RADIL: variants seen among roughly 807,000 people sequenced by gnomAD.
The protein encoded by RADIL is ras-associating and dilute domain-containing protein.
A neutral mutation model predicts 97.6 loss-of-function variants in RADIL; 99 were observed. That is an observed-to-expected ratio of 1.01 (90% CI 0.86 to 1.20). The LOEUF (loss-of-function observed/expected upper bound fraction) is 1.20. Ranked by LOEUF, RADIL falls within the 50% of genes most tolerant of loss-of-function variation. RADIL has a pLI of 0.00. For missense variants in RADIL, 1,765 were observed against 1,498.9 expected, an observed-to-expected ratio of 1.18 and a Z score of -2.93; for synonymous variants, 803 against 691.8, an observed-to-expected ratio of 1.16 and a Z score of -2.52.
chr7:4,820,682 C>T (rs991366461), intron 6 of RADIL, among the ~76,000 whole-genome samples: 3 of 152,172 alleles, frequency 2.0e-5, no homozygotes, highest in Admixed American at 1.3e-4. Flanking sequence ...AGATCCTGGC[C>T]GGCTCTGCCT....
chr7:4,826,046 A>G (rs1782966918), intron 5 of RADIL, among the ~76,000 whole-genome samples: 2 of 151,562 alleles, frequency 1.3e-5, no homozygotes. Flanking sequence ...CTCTACAGAA[A>G]AAATCAAAAA....
In RADIL at chr7:4,872,296, G is replaced by A. The variant is rs140871909; in HGVS notation, c.535+5309C>T. 2.6e-4 allele frequency among the ~76,000 whole-genome samples: 40 copies of A among 152,340 alleles called. No homozygotes were observed. Among genetic ancestry groups the A allele is most frequent in the Middle Eastern group, 3.4e-3 (1 of 294 alleles). On this transcript the variant is annotated intron_variant, in intron 2 of 14. Transcript: ENST00000399583. This position sits in a 1 kb window ranked among gnomAD's most constrained non-coding sequence, Gnocchi z 5.8. ...TGGGGGCACAGGAGCCAGGGACACT[G>A]CTCATCGCCCTGCAACCACGGACGC... is the stretch of plus-strand genomic sequence containing the variant.
chr7:4,809,228 G>T (rs1030885350), intron 9 of RADIL: 4 of 985,146 alleles, frequency 4.1e-6, no homozygotes, highest in Non-Finnish European at 3.6e-6. Flanking sequence ...CCCATCTCCC[G>T]CAGGGGCGCT....
chr7:4,805,360 T>TC, intron 10 of RADIL: 1 of 520,888 alleles, frequency 1.9e-6, no homozygotes, highest in East Asian at 3.1e-5. Context: ...GCTCCTTGAC[T>TC]CCCCCGCCGA....
In RADIL at chr7:4,803,769, G is replaced by C. The variant is rs1236535850; in HGVS notation, c.2291-15C>G. 7 of 1,548,478 alleles carry C rather than the reference G, an allele frequency of 4.5e-6. No homozygotes were observed. Among genetic ancestry groups the C allele is most frequent in the South Asian group, 3.6e-5 (3 of 84,138 alleles). On this transcript the variant is annotated splice_polypyrimidine_tract_variant and intron_variant, in intron 10 of 14. Coordinates refer to ENST00000399583, the MANE Select transcript of RADIL (RefSeq NM_018059.5). ...CAGAACATCCTCTGCAGGGGAGAGA[G>C]GATGCCCGTAATGGCCACAGGAGAA...
chr7:4,856,035 C>T (rs564901054), intron 2 of RADIL, among the ~76,000 whole-genome samples: 2 of 152,026 alleles, frequency 1.3e-5, no homozygotes, highest in South Asian at 4.2e-4. Context: ...AATCAAACTC[C>T]TGGCCTCAAG....
intron 5 of RADIL, among the ~76,000 whole-genome samples, chr7:4,831,577 CAAAA>C (rs397889423): frequency 5.0e-4 from 39 of 77,858 alleles, no homozygotes; most frequent in African/African-American, 7.9e-4. Flanking sequence ...TGAAGATTCT[CAAAA>C]AAAAAAAAAA....
At chr7:4,809,542 C>G in intron 9 of RADIL, 1 of 985,448 alleles carries the variant, frequency 1.0e-6, no homozygotes, top group Non-Finnish European at 1.2e-6. Context: ...TCGGGAGCCC[C>G]CAGGCCCGCC....
chr7:4,879,608 G>A lies in RADIL; in HGVS notation c.-64-1405C>T, dbSNP rs1427801656. ...ACCGGGGTCAGTACTAAACACCGCA[G>A]CAGCCAACTGTCACTGTCCAGGCTT... On this transcript the variant is annotated intron_variant, in intron 1 of 14. Coordinates refer to ENST00000399583, the MANE Select transcript of RADIL (RefSeq NM_018059.5). The surrounding 1 kb of genome is among the most constrained non-coding windows in gnomAD (Gnocchi z 4.1). 6.6e-6 allele frequency among the ~76,000 whole-genome samples: 1 copy of A among 152,194 alleles called. No individual in the cohort carries two copies. Among genetic ancestry groups the A allele is most frequent in the African/African-American group, 2.4e-5 (1 of 41,440 alleles).
intron 1 of RADIL, chr7:4,882,007 T>C (rs1018460581): frequency 2.6e-5 from 4 of 151,650 alleles, no homozygotes; most frequent in African/African-American, 9.7e-5. Flanking sequence ...GAGGCAGAGT[T>C]AGCAGTATCA....
intron 2 of RADIL, among the ~76,000 whole-genome samples, chr7:4,853,919 C>T (rs1479608376): frequency 2.0e-5 from 3 of 152,134 alleles, no homozygotes; most frequent in African/African-American, 7.2e-5. Context: ...ATGTACCCAG[C>T]TAAGAAAAGA....
chr7:4,878,336 G>C lies in RADIL; in HGVS notation c.-64-133C>G. 2 of 628,026 alleles carry C rather than the reference G, an allele frequency of 3.2e-6. No homozygotes were observed. The highest frequency in any genetic ancestry group is 5.4e-6 in the Non-Finnish European group (2 of 368,606). The allele number at this position is 628,026 out of a possible 1,614,324, so 38.9% of individuals were successfully genotyped here. On this transcript the variant is annotated intron_variant, in intron 1 of 14. Transcript: ENST00000399583. This position sits in a 1 kb window ranked among gnomAD's most constrained non-coding sequence, Gnocchi z 4.1. ...AGGTGGGAGGACGGCTTGAGCCCGGGAGTTCCAGACCAGCCTGGGAAACAT... is the reference window on the plus strand; with the variant it reads ...AGGTGGGAGGACGGCTTGAGCCCGGCAGTTCCAGACCAGCCTGGGAAACAT...
At chr7:4,833,379 C>T (rs1475887555) in intron 4 of RADIL, among the ~76,000 whole-genome samples, 2 of 152,198 alleles carry the variant, frequency 1.3e-5, no homozygotes, top group Non-Finnish European at 1.5e-5. Flanking sequence ...ACAGTGGCCA[C>T]GATGTGGACA....
intron 13 of RADIL, 59 bp downstream of exon 13, chr7:4,800,112 T>C (rs945517311): frequency 9.6e-6 from 15 of 1,555,062 alleles, no homozygotes; most frequent in Non-Finnish European, 1.1e-5. Context: ...CAGGCTTGCA[T>C]GAACAGGCGG....
rs2115147208 is a variant in RADIL at position 4,799,330 on chromosome 7, C to T, written c.*48G>A. 1 of 1,585,252 alleles carries T rather than the reference C, an allele frequency of 6.3e-7. No homozygotes were observed. Among genetic ancestry groups the T allele is most frequent in the Non-Finnish European group, 8.7e-7 (1 of 1,155,516 alleles). On this transcript the variant is annotated 3_prime_UTR_variant, in exon 15 of 15. Transcript: ENST00000399583. ...GAAGGCGGGAGGAAGCCCAGTGTCA[C>T]CAGGTGGGACCGGGTGCCGGGCCTG...
chr7:4,860,974 T>C (rs1047476283), intron 2 of RADIL: 1 of 1,614,228 alleles, frequency 6.2e-7, no homozygotes, highest in Non-Finnish European at 8.5e-7. Flanking sequence ...GCCATTCCCA[T>C]TCTGAAAATA....
Position 4,883,629 on chromosome 7 carries a change from G to C in RADIL, c.-98C>G, listed in dbSNP as rs1322022948. 1 of 151,950 alleles carries C rather than the reference G, an allele frequency of 6.6e-6. No homozygotes were observed. The highest frequency in any genetic ancestry group is 1.9e-4 in the East Asian group (1 of 5,184). The allele number at this position is 151,950 out of a possible 1,614,324, so 9.4% of individuals were successfully genotyped here. Reference sequence around the variant, plus strand: ...CAACCCGCCGCGCCGCCACGTTCCCGCGCTGCTCCCACCCGCCGTTGGCTG... The same window carrying C: ...CAACCCGCCGCGCCGCCACGTTCCCCCGCTGCTCCCACCCGCCGTTGGCTG... On this transcript the variant is annotated 5_prime_UTR_variant, in exon 1 of 15. Coordinates refer to ENST00000399583, the MANE Select transcript of RADIL (RefSeq NM_018059.5). This position sits in a 1 kb window ranked among gnomAD's most constrained non-coding sequence, Gnocchi z 7.1.
intron 10 of RADIL, 199 bp from the exon 11 acceptor site, chr7:4,803,953 C>A (rs147281855): frequency 3.0e-6 from 2 of 674,304 alleles, no homozygotes; most frequent in East Asian, 5.5e-5. Flanking sequence ...TTCCCGCCGA[C>A]CACCCGGTGT....
At position 4,814,140 on chromosome 7, in the gene RADIL, C is replaced by T. The variant is rs957871270; in HGVS notation, c.2139+1138G>A. Among the ~76,000 whole-genome samples the T allele has an allele frequency of 2.0e-4, 30 of 152,272 alleles. 1 individual carries two copies. The highest frequency in any genetic ancestry group is 7.0e-4 in the African/African-American group (29 of 41,560). On this transcript the variant is annotated intron_variant, in intron 9 of 14. Transcript: ENST00000399583. This position sits in a 1 kb window ranked among gnomAD's most constrained non-coding sequence, Gnocchi z 4.5. ...CCATCTGCTTTCTGCCTTCCAAAAT[C>T]GCATTGCTTTTGCCTCCTCTAGATT...
Sources: gnomAD v4.1 joint callset for allele counts (sites outside exome capture counted in the v4.1 genomes callset) on GRCh38, gnomAD v4.1.1 for gene constraint, Gnocchi (gnomAD v3.1) non-coding constraint, MANE v1.5 for transcripts, NCBI Gene and HGNC (gene_info 2026-07-23, HGNC 2026-07-21) for gene names.